CD8B: variants seen among roughly 807,000 people sequenced by gnomAD.
The protein encoded by CD8B is CD8 subunit beta, also known as T-cell surface glycoprotein CD8 beta chain.
CD8B carries 6 observed loss-of-function variants against 24.2 expected under a neutral mutation model. The ratio of observed to expected loss-of-function variants is 0.25; its 90% CI spans 0.14 to 0.49. The LOEUF is 0.49. CD8B is among the 20% of genes least tolerant of loss of function. CD8B has a pLI of 0.98. For synonymous variants in CD8B, 84 were observed against 108.3 expected (o/e 0.78, Z 1.39); for missense variants, 196 against 271.3 (o/e 0.72, Z 1.95).
chr2:86,855,201 T>C (rs1285709662), intron 2 of CD8B, among the ~76,000 whole-genome samples: 1 of 152,168 alleles, frequency 6.6e-6, no homozygotes, highest in African/African-American at 2.4e-5. Context: ...TGGCATCTTC[T>C]ATATAAAAGT....
At chr2:86,817,222 T>A (rs1316973579) in intron 5 of CD8B, among the ~76,000 whole-genome samples, 1 of 152,160 alleles carries the variant, frequency 6.6e-6, no homozygotes, top group Non-Finnish European at 1.5e-5. Context: ...TTGTTACAAC[T>A]GCAGTGGAGA....
downstream of CD8B, among the ~76,000 whole-genome samples, chr2:86,834,983 C>T (rs189046527): frequency 4.1e-3 from 622 of 150,842 alleles, 2 homozygotes; most frequent in African/African-American, 0.014. Context: ...CCTGCACCCG[C>T]CCCACCAAAT....
At chr2:86,860,271 G>A (rs1330296571) in intron 1 of CD8B, among the ~76,000 whole-genome samples, 1 of 152,052 alleles carries the variant, frequency 6.6e-6, no homozygotes, top group Non-Finnish European at 1.5e-5. Context: ...CTCCATCTTG[G>A]AAAAGAAAAA....
downstream of CD8B, among the ~76,000 whole-genome samples, chr2:86,836,236 GTTCA>G (rs1275452668): frequency 6.6e-6 from 1 of 152,130 alleles, no homozygotes; most frequent in Non-Finnish European, 1.5e-5. Context: ...CTTTTGCTTT[GTTCA>G]TTCATTCATT....
chr2:86,845,806 G>A (rs549237858), intron 4 of CD8B, among the ~76,000 whole-genome samples: 58 of 152,310 alleles, frequency 3.8e-4, no homozygotes, highest in African/African-American at 1.3e-3. Flanking sequence ...CTTAGAATGG[G>A]GTACATGGGC....
intron 5 of CD8B, 106 bp downstream of exon 5, chr2:86,844,816 G>C (rs1227923739): frequency 6.5e-7 from 1 of 1,546,934 alleles, no homozygotes; most frequent in Admixed American, 2.0e-5. Context: ...CCGAGTCTAT[G>C]ATCTTTGGAA....
intron 3 of CD8B, among the ~76,000 whole-genome samples, chr2:86,847,970 A>G (rs1675769504): frequency 6.6e-6 from 1 of 152,110 alleles, no homozygotes; most frequent in Non-Finnish European, 1.5e-5. Context: ...TCACTTAGTC[A>G]ATGTGTTCTT....
intron 3 of CD8B, among the ~76,000 whole-genome samples, chr2:86,848,713 T>A (rs1468429875): frequency 2.2e-5 from 2 of 92,862 alleles, no homozygotes; most frequent in African/African-American, 1.1e-4. Context: ...TATTTATTTA[T>A]TTATTTATTT....
At chr2:86,824,440 G>T (rs1339745190) in intron 5 of CD8B, among the ~76,000 whole-genome samples, 1 of 152,186 alleles carries the variant, frequency 6.6e-6, no homozygotes, top group Non-Finnish European at 1.5e-5. Context: ...CTAATTTTTA[G>T]GAGGCCAAAG....
chr2:86,855,870 A>G (rs1222447687), intron 2 of CD8B, among the ~76,000 whole-genome samples: 1 of 151,916 alleles, frequency 6.6e-6, no homozygotes, highest in East Asian at 1.9e-4. Context: ...CTAGTGGGAG[A>G]CTCAGGTTGG....
chr2:86,846,807 G>A (rs769458985), intron 3 of CD8B, 34 bp from the exon 4 acceptor site: 123 of 1,454,394 alleles, frequency 8.5e-5, no homozygotes, highest in Middle Eastern at 1.8e-4. Context: ...TGTTCAACAC[G>A]GAACATTTTT....
chr2:86,848,257 T>C (rs149012599), intron 3 of CD8B, among the ~76,000 whole-genome samples: 26,098 of 152,204 alleles, frequency 0.17, 2,472 homozygotes, highest in Admixed American at 0.22. Context: ...TGCACCTTGC[T>C]GACCCTTGAT....
chr2:86,846,939 T>C lies in CD8B; in HGVS notation c.494-166A>G, dbSNP rs1300542584. ...TTTTTCCTCAAGTATTTTTTTTTTT[T>C]TTTTTTTTTTTTTTTTGAGACAGAG... On this transcript the variant is annotated intron_variant, in intron 3 of 5. Transcript: ENST00000390655. Among the ~76,000 whole-genome samples the C allele has an allele frequency of 5.4e-5, 7 of 129,230 alleles. 1 individual carries two copies. Among genetic ancestry groups the C allele is most frequent in the African/African-American group, 1.9e-4 (6 of 32,096 alleles). The allele number at this position is 129,230 out of a possible 152,430, so 84.8% of individuals were successfully genotyped here.
intron 1 of CD8B, among the ~76,000 whole-genome samples, chr2:86,860,950 T>C (rs1463537595): frequency 2.0e-5 from 3 of 152,182 alleles, no homozygotes; most frequent in Non-Finnish European, 4.4e-5. Flanking sequence ...CATGTTCCCC[T>C]CGGTAACCCA....
At chr2:86,855,177 A>C (rs1465812706) in intron 2 of CD8B, among the ~76,000 whole-genome samples, 1 of 152,106 alleles carries the variant, frequency 6.6e-6, no homozygotes, top group Non-Finnish European at 1.5e-5. Flanking sequence ...CCCACAGATC[A>C]GTCATTTTTG....
chr2:86,817,759 A>G (rs1674313874), intron 5 of CD8B, among the ~76,000 whole-genome samples: 1 of 152,202 alleles, frequency 6.6e-6, no homozygotes, highest in Admixed American at 6.5e-5. Context: ...GACTGAAGCA[A>G]ATTTGGCAAA....
intron 5 of CD8B, among the ~76,000 whole-genome samples, chr2:86,843,150 T>C (rs1675515709): frequency 6.6e-6 from 1 of 152,186 alleles, no homozygotes; most frequent in African/African-American, 2.4e-5. Flanking sequence ...TGCAGCGGAA[T>C]GGTGTGATCT....
At chr2:86,832,337 G>T (rs990040688) in intron 5 of CD8B, among the ~76,000 whole-genome samples, 2 of 152,046 alleles carry the variant, frequency 1.3e-5, no homozygotes, top group South Asian at 4.1e-4. Context: ...AATTAGCCAG[G>T]CATGGTGGTG....
chr2:86,852,146 C>T (rs958450018), intron 3 of CD8B, among the ~76,000 whole-genome samples: 6 of 152,184 alleles, frequency 3.9e-5, no homozygotes, highest in East Asian at 3.9e-4. Context: ...TTTACATTTT[C>T]GTAGAGACAG....
Sources: gnomAD v4.1 joint callset for allele counts (sites outside exome capture counted in the v4.1 genomes callset) on GRCh38, gnomAD v4.1.1 for gene constraint, MANE v1.5 for transcripts, NCBI Gene and HGNC (gene_info 2026-07-23, HGNC 2026-07-21) for gene names.